Variants in SGCZ observed in about 807,000 individuals in gnomAD.
SGCZ encodes sarcoglycan zeta.
SGCZ carries 40 observed loss-of-function variants against 41.3 expected under a neutral mutation model. The ratio of observed to expected loss-of-function variants is 0.97; its 90% confidence interval spans 0.75 to 1.26. The LOEUF is 1.26. SGCZ is among the 50% of genes most tolerant of loss of function. The probability of loss-of-function intolerance (pLI) is 0.00; values close to 1 mark genes in which losing one functional copy is unlikely to be tolerated. For missense variants in SGCZ, 552 were observed against 369.8 expected, an observed-to-expected ratio of 1.49 and a Z score of -4.04; for synonymous variants, 206 against 137.5, an observed-to-expected ratio of 1.50 and a Z score of -3.49.
At position 14,977,910 on chromosome 8, in the gene SGCZ, C is replaced by T. The variant is rs1049580217; in HGVS notation, c.39+259675G>A. Among the ~76,000 whole-genome samples, 17 of 147,950 alleles carry T rather than the reference C, an allele frequency of 1.1e-4. No individual in the cohort carries two copies. The East Asian group carries it at 1.9e-3, about 16-fold the overall frequency. On this transcript the variant is annotated intron_variant, in intron 1 of 7. Transcript: ENST00000382080. ...ACACACACACACACACACACACACA[C>T]ATATATACACACACATATATATCTA... is the stretch of plus-strand genomic sequence containing the variant.
At chr8:14,100,516 TTATATTAA>T (rs1338964664) in intron 7 of SGCZ, among the ~76,000 whole-genome samples, 3 of 147,594 alleles carry the variant, frequency 2.0e-5, no homozygotes, top group African/African-American at 7.4e-5. Context: ...TATTAATATA[TTATATTAA>T]TATATTTTCA....
intron 2 of SGCZ, among the ~76,000 whole-genome samples, chr8:14,369,424 G>A (rs1326222214): frequency 6.6e-6 from 1 of 151,878 alleles, no homozygotes; most frequent in African/African-American, 2.4e-5. Flanking sequence ...TATCAGGAAT[G>A]CCAGGAATTC....
chr8:14,865,033 T>A (rs776323260), intron 1 of SGCZ, among the ~76,000 whole-genome samples: 1 of 152,144 alleles, frequency 6.6e-6, no homozygotes. Flanking sequence ...TCCCTGCATA[T>A]TCTGGATTAA....
intron 3 of SGCZ, among the ~76,000 whole-genome samples, chr8:14,262,539 G>A (rs17294294): frequency 0.11 from 16,493 of 151,852 alleles, 1,227 homozygotes; most frequent in Admixed American, 0.2. Context: ...GAGCAATTCA[G>A]TTCTGCAAAA....
At chr8:15,171,951 T>C (rs1416162277) in intron 1 of SGCZ, among the ~76,000 whole-genome samples, 2 of 152,084 alleles carry the variant, frequency 1.3e-5, no homozygotes, top group Non-Finnish European at 2.9e-5. Flanking sequence ...GCCTTCTCAC[T>C]CCATTGAAAG....
At chr8:14,769,815 AC>A (rs1316913946) in intron 1 of SGCZ, among the ~76,000 whole-genome samples, 9 of 146,640 alleles carry the variant, frequency 6.1e-5, no homozygotes, top group East Asian at 2.0e-4. Flanking sequence ...AAAAAAAAAA[AC>A]CCAGCAACAA....
At chr8:15,144,397 T>G (rs1352483498) in intron 1 of SGCZ, among the ~76,000 whole-genome samples, 1 of 152,192 alleles carries the variant, frequency 6.6e-6, no homozygotes, top group African/African-American at 2.4e-5. Context: ...GTTTCCTAGT[T>G]TAATGAAGGC....
chr8:15,097,909 T>TATAC (rs1563124228), intron 1 of SGCZ, among the ~76,000 whole-genome samples: 2 of 109,330 alleles, frequency 1.8e-5, no homozygotes, highest in African/African-American at 6.9e-5. Context: ...TATATATATA[T>TATAC]ACGTGTGTAT....
intron 2 of SGCZ, among the ~76,000 whole-genome samples, chr8:14,532,802 G>T (rs1056411207): frequency 6.6e-6 from 1 of 151,388 alleles, no homozygotes; most frequent in East Asian, 2.0e-4. Flanking sequence ...CTACAAAAAC[G>T]TAAAGAAAGT....
At chr8:14,333,111 T>C (rs78115297) in intron 2 of SGCZ, among the ~76,000 whole-genome samples, 1,700 of 152,168 alleles carry the variant, frequency 0.011, 28 homozygotes, top group African/African-American at 0.038. Context: ...CTGGTATAGC[T>C]CAGTCTAATA....
chr8:14,112,049 G>T (rs942918474), intron 5 of SGCZ, among the ~76,000 whole-genome samples: 5 of 152,022 alleles, frequency 3.3e-5, no homozygotes, highest in Admixed American at 6.6e-5. Flanking sequence ...TTTTACAGAA[G>T]TCACTGGTCC....
chr8:14,323,916 T>A (rs943526008), intron 3 of SGCZ, among the ~76,000 whole-genome samples, 187 bp downstream of exon 3: 10 of 152,096 alleles, frequency 6.6e-5, no homozygotes, highest in Non-Finnish European at 1.2e-4. Context: ...TCTCTAAGAT[T>A]TGTCGGGTTG....
At chr8:14,998,122 A>G (rs1802283774) in intron 1 of SGCZ, among the ~76,000 whole-genome samples, 1 of 152,242 alleles carries the variant, frequency 6.6e-6, no homozygotes, top group South Asian at 2.1e-4. Context: ...AATGTATAAT[A>G]GAAAAATAGT....
chr8:15,028,862 C>A (rs1424205476), intron 1 of SGCZ, among the ~76,000 whole-genome samples: 2 of 151,962 alleles, frequency 1.3e-5, no homozygotes, highest in African/African-American at 2.4e-5. Flanking sequence ...GTCTGTAAAT[C>A]CTCCAAATTC....
At chr8:14,559,128 A>G (rs1804129396) in intron 1 of SGCZ, among the ~76,000 whole-genome samples, 1 of 152,138 alleles carries the variant, frequency 6.6e-6, no homozygotes, top group Non-Finnish European at 1.5e-5. Flanking sequence ...AGTCCTAGTC[A>G]GAGCAATCAG....
intron 1 of SGCZ, among the ~76,000 whole-genome samples, chr8:14,950,262 C>T (rs747015106): frequency 3.9e-5 from 6 of 151,998 alleles, no homozygotes; most frequent in Non-Finnish European, 5.9e-5. Context: ...TAAGTAGGAA[C>T]AAACCAAATG....
At chr8:14,215,301 A>G (rs1805955998) in intron 4 of SGCZ, among the ~76,000 whole-genome samples, 1 of 152,190 alleles carries the variant, frequency 6.6e-6, no homozygotes, top group Non-Finnish European at 1.5e-5. Context: ...ATAAATACAT[A>G]CATATGTGTA....
intron 5 of SGCZ, among the ~76,000 whole-genome samples, chr8:14,118,236 C>T (rs1802584584): frequency 6.6e-6 from 1 of 152,084 alleles, no homozygotes; most frequent in African/African-American, 2.4e-5. Flanking sequence ...CACATTCTCT[C>T]CAGCATCTGT....
chr8:14,158,720 A>G (rs1803952664), intron 5 of SGCZ, among the ~76,000 whole-genome samples: 1 of 152,188 alleles, frequency 6.6e-6, no homozygotes, highest in Non-Finnish European at 1.5e-5. Flanking sequence ...AAGGAGACAA[A>G]GTAACTACGA....
Sources: gnomAD v4.1 joint callset for allele counts (sites outside exome capture counted in the v4.1 genomes callset) on GRCh38, gnomAD v4.1.1 for gene constraint, MANE v1.5 for transcripts, NCBI Gene and HGNC (gene_info 2026-07-23, HGNC 2026-07-21) for gene names.